The following RCN3 variants were observed in gnomAD, a reference collection of about 807,000 sequenced individuals.
The protein encoded by RCN3 is reticulocalbin-3.
Under a neutral mutation model 35.9 loss-of-function variants are expected in RCN3, and 41 were observed. That is an observed-to-expected ratio of 1.14 (90% confidence interval 0.89 to 1.48). The LOEUF is 1.48. RCN3 is among the 40% of genes most tolerant of loss of function. RCN3 has a pLI of 0.00. For missense variants in RCN3, 451 were observed against 471.3 expected, an observed-to-expected ratio of 0.96 and a Z score of 0.40; for synonymous variants, 187 against 193.4, an observed-to-expected ratio of 0.97 and a Z score of 0.27.
intron 5 of RCN3, among the ~76,000 whole-genome samples, chr19:49,539,491 G>A (rs527535721): frequency 6.7e-6 from 1 of 148,438 alleles, no homozygotes; most frequent in African/African-American, 2.6e-5. Context: ...CTTCTTGGGG[G>A]TCTGGAGTTT....
intron 5 of RCN3, among the ~76,000 whole-genome samples, chr19:49,540,624 A>T (rs926628165): frequency 2.0e-5 from 3 of 151,650 alleles, no homozygotes; most frequent in Admixed American, 2.0e-4. Context: ...CCATCTTAAA[A>T]AAAAAAAAAA....
At chr19:49,536,382 C>G (rs1169210505) in intron 3 of RCN3, among the ~76,000 whole-genome samples, 1 of 146,020 alleles carries the variant, frequency 6.8e-6, no homozygotes, top group East Asian at 2.0e-4. Flanking sequence ...CTTACTACAA[C>G]CTCATCCTCC....
In RCN3 at chr19:49,543,107, A is replaced by G; in HGVS notation, c.881A>G (p.Asp294Gly). The part of the protein sequence containing the change: ...HLLHESDTDK[D>G]GRLSKAEILG... The stretch of plus-strand genomic sequence containing the variant: ...TCTGAACCCTGACCCTCCCTCCAGG[A>G]TGGGCGGCTGAGCAAAGCGGAAATC... The change falls in exon 7 of 7, where the codon GAT becomes GGT. Residue 294 changes from aspartate to glycine, a missense_variant and splice_region_variant. Asp to Gly is a moderately conservative substitution (Grantham distance 94, BLOSUM62 -1). Coordinates refer to ENST00000270645, the MANE Select transcript of RCN3 (RefSeq NM_020650.3). 1 of 1,613,856 alleles carries G rather than the reference A, an allele frequency of 6.2e-7. No individual in the cohort carries two copies. The highest frequency in any genetic ancestry group is 1.1e-5 in the South Asian group (1 of 91,070).
intron 3 of RCN3, 26 bp downstream of exon 3, chr19:49,534,421 T>TC: frequency 6.5e-7 from 1 of 1,534,946 alleles, no homozygotes. Flanking sequence ...CCGACCCTGC[T>TC]CCCCATACAC....
chr19:49,537,504 TTTTC>T (rs1186172020), intron 4 of RCN3, among the ~76,000 whole-genome samples: 4 of 150,332 alleles, frequency 2.7e-5, no homozygotes, highest in African/African-American at 7.4e-5. Flanking sequence ...ATACAATTTC[TTTTC>T]TTTCTTTTTT....
chr19:49,530,925 G>A (rs952933452), intron 2 of RCN3, among the ~76,000 whole-genome samples: 1 of 152,328 alleles, frequency 6.6e-6, no homozygotes, highest in South Asian at 2.1e-4. Context: ...CAAAGGCCCT[G>A]AGGCAGGAGT....
intron 1 of RCN3, 175 bp from the exon 2 acceptor site, chr19:49,528,292 T>G: frequency 1.7e-6 from 1 of 573,892 alleles, no homozygotes; most frequent in Non-Finnish European, 2.9e-6. Context: ...TGGCTTTACC[T>G]CTAAGCATCC....
rs1187054848 is a variant in RCN3, at chr19:49,534,394, C to T, written c.444C>T (p.Pro148=). ...LRNATYGHYA[P]GEEFHDVEDA... is the part of the protein sequence containing the mutation. Reference sequence around the variant, plus strand: ...ACGCCACCTATGGCCACTACGCGCCCGGTACGCGGCGAGCCCCCGACCCTG... The same window carrying T: ...ACGCCACCTATGGCCACTACGCGCCTGGTACGCGGCGAGCCCCCGACCCTG... Residue 148 remains proline (P), a splice_region_variant and synonymous_variant, in exon 3 of 7, where the codon CCC becomes CCT. Coordinates refer to ENST00000270645, the MANE Select transcript of RCN3 (RefSeq NM_020650.3). 2 of 1,537,214 alleles carry T rather than the reference C, an allele frequency of 1.3e-6. No individual in the cohort carries two copies. Among genetic ancestry groups the T allele is most frequent in the Admixed American group, 2.0e-5 (1 of 50,558 alleles).
intron 3 of RCN3, among the ~76,000 whole-genome samples, chr19:49,535,123 C>T (rs1010949958): frequency 6.6e-5 from 10 of 152,164 alleles, no homozygotes; most frequent in Admixed American, 5.2e-4. Context: ...CCCCAGGAGA[C>T]GGTCCCACTC....
chr19:49,540,030 T>A (rs762167525), intron 5 of RCN3, among the ~76,000 whole-genome samples: 11 of 151,950 alleles, frequency 7.2e-5, no homozygotes, highest in Non-Finnish European at 1.6e-4. Context: ...GCCAGGAATT[T>A]TTTTTTAAGT....
At chr19:49,537,327 C>A in intron 4 of RCN3, 122 bp downstream of exon 4, 1 of 1,020,006 alleles carries the variant, frequency 9.8e-7, no homozygotes, top group Non-Finnish European at 1.3e-6. Flanking sequence ...CAGCATCTTG[C>A]CGGGGAAGCC....
chr19:49,543,206 A>C lies in RCN3; in HGVS notation c.980A>C (p.Glu327Ala). 6 of 1,611,242 alleles carry C rather than the reference A, an allele frequency of 3.7e-6. No individual in the cohort carries two copies. Among genetic ancestry groups the C allele is most frequent in the Non-Finnish European group, 5.1e-6 (6 of 1,178,654 alleles). The change falls in exon 7 of 7, where the codon GAG (glutamate) becomes GCG (alanine). Residue 327 changes from glutamate to alanine, a missense_variant. Physicochemically the swap from Glu to Ala is moderately radical, Grantham distance 107 (BLOSUM62 -1). Transcript: ENST00000270645. ...YGEDLTRHHD[E>A]L ...GAGGACCTGACCCGGCACCACGATG[A>C]GCTGTGAGCACCGCGCACCTGCCAC...
intron 5 of RCN3, among the ~76,000 whole-genome samples, chr19:49,541,851 G>A (rs546848958): frequency 2.0e-5 from 3 of 151,956 alleles, no homozygotes; most frequent in South Asian, 4.2e-4. Context: ...GTGGTGGCAC[G>A]CACCTGTAAT....
intron 3 of RCN3, among the ~76,000 whole-genome samples, chr19:49,535,107 C>T (rs1376841232): frequency 6.6e-6 from 1 of 152,176 alleles, no homozygotes; most frequent in East Asian, 1.9e-4. Context: ...CCTCCCCCTC[C>T]TGGGCCCCCA....
chr19:49,534,312 C>A lies in RCN3; in HGVS notation c.362C>A (p.Ala121Asp). The A allele has an allele frequency of 6.7e-7, 1 of 1,501,560 alleles. No individual in the cohort carries two copies. The highest frequency in any genetic ancestry group is 8.9e-7 in the Non-Finnish European group (1 of 1,127,150). 93.0% of individuals were successfully genotyped at this position (1,501,560 alleles called of 1,614,324 possible). A position where few individuals can be genotyped will look rare whatever the true frequency, so the allele number is the denominator to read the frequency against. Reference protein sequence around the residue: ...QRHIRDSVSAAWDTYDTDRDG... With the variant: ...QRHIRDSVSADWDTYDTDRDG... ...CACATACGGGACTCGGTGAGCGCGG[C>A]CTGGGACACGTACGACACGGACCGC... Residue 121 changes from alanine (A) to aspartate (D), a missense_variant, in exon 3 of 7, where the codon GCC becomes GAC. Ala to Asp is a moderately radical substitution (Grantham distance 126). Transcript: ENST00000270645.
intron 3 of RCN3, among the ~76,000 whole-genome samples, chr19:49,536,803 G>A (rs144039379): frequency 0.019 from 2,681 of 144,338 alleles, 168 homozygotes; most frequent in East Asian, 0.16. Flanking sequence ...ATGGGGTTTC[G>A]CCATGTTGGC....
In RCN3 at chr19:49,534,100, C is replaced by G. The variant is rs985921269; in HGVS notation, c.243-93C>G. ...GGACCGTGGACTGTATTTTCAGCCC[C>G]GGATCCGAAGTGTCCCAGGGGGCGT... On this transcript the variant is annotated intron_variant, in intron 2 of 6. Transcript: ENST00000270645. The G allele has an allele frequency of 2.7e-5, 34 of 1,236,380 alleles. No individual in the cohort carries two copies. In the African/African-American group the frequency reaches 4.9e-4, roughly 18 times the overall value. The allele number at this position is 1,236,380 out of a possible 1,614,324, so 76.6% of individuals were successfully genotyped here.
At chr19:49,531,861 C>T (rs930537779) in intron 2 of RCN3, among the ~76,000 whole-genome samples, 4 of 152,174 alleles carry the variant, frequency 2.6e-5, no homozygotes, top group African/African-American at 7.2e-5. Flanking sequence ...AGTGCAGTGG[C>T]GTGATCTCGG....
chr19:49,541,403 T>TG (rs1009935542), intron 5 of RCN3, among the ~76,000 whole-genome samples: 1 of 152,162 alleles, frequency 6.6e-6, no homozygotes, highest in African/African-American at 2.4e-5. Context: ...CCTTGGTGTT[T>TG]GGGCTCTGGC....
Sources: gnomAD v4.1 joint callset for allele counts (sites outside exome capture counted in the v4.1 genomes callset) on GRCh38, gnomAD v4.1.1 for gene constraint, MANE v1.5 for transcripts, NCBI Gene and HGNC (gene_info 2026-07-23, HGNC 2026-07-21) for gene names.